The following LHFPL6 variants were observed in gnomAD, a reference collection of about 807,000 sequenced individuals.
LHFPL6 encodes LHFPL tetraspan subfamily member 6, also known as LHFPL tetraspan subfamily member 6 protein.
Under a neutral mutation model 20.6 loss-of-function variants are expected in LHFPL6, and 9 were observed. The observed-to-expected ratio is 0.44, with a 90% CI of 0.26 to 0.76. The LOEUF is 0.76. LHFPL6 is among the 30% of genes least tolerant of loss of function. The pLI is 0.20. For synonymous variants in LHFPL6, 105 were observed against 98.7 expected (o/e 1.06, Z -0.38); for missense variants, 218 against 253.5 (o/e 0.86, Z 0.95).
At chr13:39,371,807 C>A (rs1870173453) in intron 3 of LHFPL6, among the ~76,000 whole-genome samples, 1 of 152,192 alleles carries the variant, frequency 6.6e-6, no homozygotes, top group Admixed American at 6.5e-5. Flanking sequence ...CGTGGCATTC[C>A]CTGGCAGCCA....
chr13:39,349,445 T>C (rs559197121), intron 3 of LHFPL6, among the ~76,000 whole-genome samples: 13 of 152,282 alleles, frequency 8.5e-5, no homozygotes, highest in African/African-American at 2.4e-4. Flanking sequence ...CCTTCCTTTT[T>C]CCTTTCCTCG....
At chr13:39,588,483 CAA>C (rs1200945438) in intron 2 of LHFPL6, among the ~76,000 whole-genome samples, 2 of 152,104 alleles carry the variant, frequency 1.3e-5, no homozygotes, top group Non-Finnish European at 1.5e-5. Flanking sequence ...GTTTGTGAAA[CAA>C]AGTGTTAAAT....
intron 2 of LHFPL6, among the ~76,000 whole-genome samples, chr13:39,453,579 A>T (rs1306293916): frequency 6.6e-6 from 1 of 152,248 alleles, no homozygotes; most frequent in Non-Finnish European, 1.5e-5. Context: ...CAAGGCAAGT[A>T]TTAGTACCCC....
chr13:39,367,481 A>G (rs921691567), intron 3 of LHFPL6, among the ~76,000 whole-genome samples: 1 of 152,242 alleles, frequency 6.6e-6, no homozygotes, highest in Non-Finnish European at 1.5e-5. Flanking sequence ...GCGTTTCTGT[A>G]TAATATCCCT....
chr13:39,455,776 C>G (rs1287076513), intron 2 of LHFPL6, among the ~76,000 whole-genome samples: 1 of 152,152 alleles, frequency 6.6e-6, no homozygotes, highest in East Asian at 1.9e-4. Context: ...CCATGTGAGA[C>G]AGCAGAGAAA....
At chr13:39,346,149 T>A (rs7318557) in intron 3 of LHFPL6, among the ~76,000 whole-genome samples, 2 of 151,958 alleles carry the variant, frequency 1.3e-5, no homozygotes, top group Admixed American at 1.3e-4. Flanking sequence ...GTAGTTAGCA[T>A]GTGCCCCAGG....
intron 2 of LHFPL6, among the ~76,000 whole-genome samples, chr13:39,449,833 CAAAA>C (rs34024514): frequency 1.4e-3 from 182 of 133,390 alleles, no homozygotes; most frequent in African/African-American, 3.2e-3. Flanking sequence ...CTGAAAGTAG[CAAAA>C]AAAAAAAAAA....
At chr13:39,526,641 T>C (rs1870296251) in intron 2 of LHFPL6, among the ~76,000 whole-genome samples, 1 of 152,244 alleles carries the variant, frequency 6.6e-6, no homozygotes, top group African/African-American at 2.4e-5. Context: ...TCAGATGGGC[T>C]GATTCCACAC....
chr13:39,508,932 A>G (rs1442182270), intron 2 of LHFPL6, among the ~76,000 whole-genome samples: 1 of 152,196 alleles, frequency 6.6e-6, no homozygotes, highest in Non-Finnish European at 1.5e-5. Flanking sequence ...TTGTTTTCTA[A>G]AATGGTTGTA....
At chr13:39,421,681 G>A (rs1871490828) in intron 2 of LHFPL6, among the ~76,000 whole-genome samples, 1 of 152,124 alleles carries the variant, frequency 6.6e-6, no homozygotes, top group South Asian at 2.1e-4. Flanking sequence ...AATTAATGGG[G>A]ACTATTTTGG....
At chr13:39,595,535 G>A (rs1476272822) in intron 2 of LHFPL6, among the ~76,000 whole-genome samples, 3 of 152,196 alleles carry the variant, frequency 2.0e-5, no homozygotes, top group Non-Finnish European at 2.9e-5. Context: ...TCAGGTGATC[G>A]GCCTGCCTTG....
At chr13:39,506,171 A>C (rs1869471403) in intron 2 of LHFPL6, among the ~76,000 whole-genome samples, 1 of 152,230 alleles carries the variant, frequency 6.6e-6, no homozygotes, top group Admixed American at 6.5e-5. Flanking sequence ...AGGGAACAAT[A>C]TGATTTCCAA....
At chr13:39,478,654 G>A (rs1566120662) in intron 2 of LHFPL6, among the ~76,000 whole-genome samples, 1 of 152,078 alleles carries the variant, frequency 6.6e-6, no homozygotes, top group Non-Finnish European at 1.5e-5. Context: ...TTCCCAGGGT[G>A]GATGGGCATC....
chr13:39,600,752 T>G (rs1368678478), intron 2 of LHFPL6, 80 bp downstream of exon 2: 2 of 1,343,366 alleles, frequency 1.5e-6, no homozygotes, highest in Non-Finnish European at 2.0e-6. Flanking sequence ...TTTATAATAA[T>G]CTCAGTAGAC....
Position 39,471,247 on chromosome 13 carries a change from C to T in LHFPL6, c.386-92721G>A, listed in dbSNP as rs141817716. Among the ~76,000 whole-genome samples the T allele has an allele frequency of 2.6e-5, 4 of 152,286 alleles. No individual in the cohort carries two copies. The East Asian group carries it at 7.7e-4, about 29-fold the overall frequency. ...ATGTTGGCCAGAGGAGGAGAGAAAGCTACATCAGACAAAGGAGGCATGAAT... is the reference window on the plus strand; with the variant it reads ...ATGTTGGCCAGAGGAGGAGAGAAAGTTACATCAGACAAAGGAGGCATGAAT... On this transcript the variant is annotated intron_variant, in intron 2 of 3. Coordinates refer to ENST00000379589, the MANE Select transcript of LHFPL6 (RefSeq NM_005780.3).
intron 3 of LHFPL6, among the ~76,000 whole-genome samples, chr13:39,373,391 C>A (rs1384244148): frequency 6.6e-6 from 1 of 152,180 alleles, no homozygotes; most frequent in East Asian, 1.9e-4. Flanking sequence ...AGGATCCCTT[C>A]TTCCCCAAGA....
chr13:39,594,673 T>C (rs1232038866), intron 2 of LHFPL6, among the ~76,000 whole-genome samples: 1 of 152,196 alleles, frequency 6.6e-6, no homozygotes. Context: ...CACACATATG[T>C]TTATCACAGC....
intron 2 of LHFPL6, among the ~76,000 whole-genome samples, chr13:39,569,924 T>C (rs1871860832): frequency 1.3e-5 from 2 of 152,198 alleles, no homozygotes; most frequent in South Asian, 4.1e-4. Flanking sequence ...TAAGCACCTG[T>C]TCAAGCACAT....
At chr13:39,504,277 A>G (rs1029349880) in intron 2 of LHFPL6, among the ~76,000 whole-genome samples, 1 of 152,248 alleles carries the variant, frequency 6.6e-6, no homozygotes, top group Non-Finnish European at 1.5e-5. Context: ...ATCCAGATGA[A>G]TAAGATTAGT....
Sources: allele counts gnomAD v4.1 joint callset (sites outside exome capture counted in the v4.1 genomes callset), GRCh38; gene constraint gnomAD v4.1.1; transcripts MANE v1.5; gene names NCBI Gene and HGNC (gene_info 2026-07-23, HGNC 2026-07-21).